The following UBE3D variants were observed in gnomAD, a reference collection of about 807,000 sequenced individuals.
The protein encoded by UBE3D is ubiquitin protein ligase E3D, also known as E3 ubiquitin-protein ligase E3D.
UBE3D carries 48 observed loss-of-function variants against 49.6 expected under a neutral mutation model. That is an observed-to-expected ratio of 0.97 (90% CI 0.77 to 1.23). The LOEUF is 1.23. UBE3D is among the 50% of genes most tolerant of loss of function. The pLI, the probability that UBE3D is intolerant of heterozygous loss-of-function variation, is 0.00. For missense variants in UBE3D, 452 were observed against 468.4 expected, an observed-to-expected ratio of 0.96 and a Z score of 0.32; for synonymous variants, 189 against 174.2, an observed-to-expected ratio of 1.08 and a Z score of -0.67.
At chr6:82,920,854 A>AAAG (rs1773279723) in intron 9 of UBE3D, among the ~76,000 whole-genome samples, 2 of 152,200 alleles carry the variant, frequency 1.3e-5, no homozygotes, top group Non-Finnish European at 2.9e-5. Flanking sequence ...CAAACAAAAA[A>AAAG]GGAAGAAAAG....
intron 9 of UBE3D, among the ~76,000 whole-genome samples, chr6:82,937,804 C>T (rs1220238966): frequency 1.3e-5 from 2 of 152,146 alleles, no homozygotes; most frequent in Non-Finnish European, 2.9e-5. Context: ...CTGTGACAAA[C>T]AGCCCTTCGG....
At chr6:82,919,631 TAAAA>T (rs1314075135) in intron 9 of UBE3D, among the ~76,000 whole-genome samples, 2 of 151,128 alleles carry the variant, frequency 1.3e-5, no homozygotes, top group Non-Finnish European at 2.9e-5. Flanking sequence ...ATAATAATAA[TAAAA>T]AAAGAAGTAT....
chr6:83,040,883 G>A (rs1010782421), intron 4 of UBE3D, among the ~76,000 whole-genome samples: 5 of 152,222 alleles, frequency 3.3e-5, no homozygotes, highest in African/African-American at 1.2e-4. Flanking sequence ...TGAGAGGTAA[G>A]AGACAGACAC....
At position 83,038,475 on chromosome 6, in the gene UBE3D, G is replaced by C. The variant is rs1357350166; in HGVS notation, c.608C>G (p.Ala203Gly). 1 of 1,609,142 alleles carries C rather than the reference G, an allele frequency of 6.2e-7. No individual in the cohort carries two copies. Among genetic ancestry groups the C allele is most frequent in the Non-Finnish European group, 8.5e-7 (1 of 1,178,632 alleles). The change falls in exon 5 of 10, where the codon GCA (alanine) becomes GGA (glycine). Residue 203 changes from alanine to glycine, a missense_variant. Ala to Gly is a moderately conservative substitution (Grantham distance 60). Transcript: ENST00000369747. The part of the protein sequence containing the change: ...SDNHCKLEPK[A>G]NTKVICKRCK... ...ACGCTTACAAATTACTTTGGTATTT[G>C]CCTTTGGTTCCTGTAGAACAGAAAA...
intron 9 of UBE3D, among the ~76,000 whole-genome samples, chr6:82,915,717 C>G (rs980634888): frequency 6.6e-6 from 1 of 152,160 alleles, no homozygotes; most frequent in Non-Finnish European, 1.5e-5. Flanking sequence ...CAGTAATGTT[C>G]CAGGTGTTGC....
intron 8 of UBE3D, among the ~76,000 whole-genome samples, chr6:82,996,829 G>T (rs1779273720): frequency 6.6e-6 from 1 of 152,198 alleles, no homozygotes; most frequent in Non-Finnish European, 1.5e-5. Flanking sequence ...ATAGTCTAGA[G>T]AAGACAAAGG....
At chr6:82,952,782 T>C (rs1273447182) in intron 9 of UBE3D, among the ~76,000 whole-genome samples, 3 of 152,150 alleles carry the variant, frequency 2.0e-5, no homozygotes, top group African/African-American at 7.2e-5. Flanking sequence ...ATAGTCTCTG[T>C]AGCACAAAAA....
intron 3 of UBE3D, among the ~76,000 whole-genome samples, chr6:83,049,208 T>G (rs1251197211): frequency 3.9e-5 from 6 of 152,176 alleles, no homozygotes; most frequent in Non-Finnish European, 5.9e-5. Context: ...CCCCTTAGCT[T>G]TAAAATGATC....
chr6:82,936,049 G>C (rs912938993), intron 9 of UBE3D, among the ~76,000 whole-genome samples: 17 of 151,976 alleles, frequency 1.1e-4, no homozygotes, highest in Non-Finnish European at 7.4e-5. Flanking sequence ...GGGAAATGTG[G>C]GATGAGAGGG....
chr6:83,051,945 A>G (rs968112208), intron 3 of UBE3D, among the ~76,000 whole-genome samples: 3 of 152,204 alleles, frequency 2.0e-5, no homozygotes, highest in Non-Finnish European at 4.4e-5. Flanking sequence ...AAACATGTCA[A>G]CGTTTATTCA....
intron 8 of UBE3D, among the ~76,000 whole-genome samples, chr6:82,972,261 G>C (rs1458036407): frequency 6.6e-6 from 1 of 152,174 alleles, no homozygotes; most frequent in African/African-American, 2.4e-5. Context: ...TCTTTCACAA[G>C]AGGGCACTTG....
intron 9 of UBE3D, among the ~76,000 whole-genome samples, chr6:82,895,685 A>G (rs1771266264): frequency 6.6e-6 from 1 of 152,228 alleles, no homozygotes; most frequent in Non-Finnish European, 1.5e-5. Context: ...TGTTTTACAT[A>G]TGAAGAAACA....
chr6:83,054,121 T>C lies in UBE3D; in HGVS notation c.365+27A>G, dbSNP rs569546310. Reference sequence around the variant, plus strand: ...GAGATAACCATTGCCAGGCACAGAATTAATCAGTGTTAAATATATTCCTTA... The same window carrying C: ...GAGATAACCATTGCCAGGCACAGAACTAATCAGTGTTAAATATATTCCTTA... On this transcript the variant is annotated intron_variant, in intron 3 of 9. Coordinates refer to ENST00000369747, the MANE Select transcript of UBE3D (RefSeq NM_198920.3). The C allele has an allele frequency of 2.6e-5, 40 of 1,563,996 alleles. No homozygotes were observed. In the South Asian group the frequency reaches 4.3e-4, roughly 17 times the overall value.
chr6:82,893,156 T>A (rs1369622510), intron 9 of UBE3D, 114 bp from the exon 10 acceptor site: 1 of 1,255,270 alleles, frequency 8.0e-7, no homozygotes, highest in African/African-American at 1.5e-5. Flanking sequence ...TATGCTTGTT[T>A]AAACAGAAAA....
intron 9 of UBE3D, among the ~76,000 whole-genome samples, chr6:82,904,239 T>C (rs1771939840): frequency 6.6e-6 from 1 of 152,102 alleles, no homozygotes; most frequent in Non-Finnish European, 1.5e-5. Context: ...AAAGTTATAA[T>C]GAAATGACAT....
At chr6:83,029,700 T>C (rs1781731555) in intron 5 of UBE3D, among the ~76,000 whole-genome samples, 1 of 152,212 alleles carries the variant, frequency 6.6e-6, no homozygotes, top group African/African-American at 2.4e-5. Context: ...CAACTGTGGA[T>C]TTTGTGTTGC....
chr6:82,988,333 C>T (rs1413017243), intron 8 of UBE3D, among the ~76,000 whole-genome samples: 1 of 152,004 alleles, frequency 6.6e-6, no homozygotes, highest in Non-Finnish European at 1.5e-5. Context: ...TTACATTGTT[C>T]TGGAACTTTT....
intron 5 of UBE3D, chr6:83,037,225 C>G (rs1171697163): frequency 6.6e-6 from 1 of 152,218 alleles, no homozygotes; most frequent in African/African-American, 2.4e-5. Context: ...TTGGCCCACT[C>G]CTTATCCAAA....
intron 6 of UBE3D, 145 bp downstream of exon 6, chr6:83,023,824 A>G (rs1171427494): frequency 1.8e-6 from 1 of 545,796 alleles, no homozygotes; most frequent in African/African-American, 2.0e-5. Context: ...CTCAGAAATT[A>G]TCACTATTCA....
Sources: allele counts gnomAD v4.1 joint callset (sites outside exome capture counted in the v4.1 genomes callset), GRCh38; gene constraint gnomAD v4.1.1; transcripts MANE v1.5; gene names NCBI Gene and HGNC (gene_info 2026-07-23, HGNC 2026-07-21).